Variants in PPP1R12C observed in about 807,000 individuals in gnomAD.
PPP1R12C encodes the protein leukocyte receptor cluster (LRC) encoded novel gene 3.
A neutral mutation model predicts 95.6 loss-of-function variants in PPP1R12C; 48 were observed. The observed-to-expected ratio is 0.50, with a 90% CI of 0.40 to 0.64. The LOEUF (loss-of-function observed/expected upper bound fraction) is 0.64, where lower values mean the gene tolerates loss of function less well. PPP1R12C is among the 30% of genes least tolerant of loss of function. PPP1R12C has a pLI of 0.00. For missense variants in PPP1R12C, 1,057 were observed against 1,083.3 expected, an observed-to-expected ratio of 0.98 and a Z score of 0.34; for synonymous variants, 480 against 460.8, an observed-to-expected ratio of 1.04 and a Z score of -0.53.
chr19:55,094,713 T>C lies in PPP1R12C; in HGVS notation c.1540A>G (p.Asn514Asp), dbSNP rs78085086. Residue 514 changes from asparagine (N) to aspartate (D), a missense_variant, in exon 12 of 22, where the codon AAC becomes GAC. Around this residue, in one of 5 missense-constraint regions of PPP1R12C, gnomAD observed 356 missense variants for 330.5 expected, o/e 1.08. Coordinates refer to ENST00000263433, the MANE Select transcript of PPP1R12C (RefSeq NM_017607.4). ...IPEPESPAKP[N>D]VPTASTAPPA... ...GGCGCCGTGGAGGCTGTGGGGACGT[T>C]TGGCTTCGCTGGGGATTCAGGCTCC... The C allele has an allele frequency of 8.8e-4, 1,420 of 1,609,590 alleles. 13 individuals carry two copies. The African/African-American group carries it at 0.017, about 20-fold the overall frequency.
At chr19:55,104,199 T>TATATATATATATATACACACAC (rs34075382) in intron 3 of PPP1R12C, among the ~76,000 whole-genome samples, 41 of 120,032 alleles carry the variant, frequency 3.4e-4, no homozygotes, top group African/African-American at 1.3e-3. Flanking sequence ...TATATATATA[T>TATATATATATATATACACACAC]ACACACACAC....
chr19:55,105,617 T>A (rs947969065), intron 3 of PPP1R12C, among the ~76,000 whole-genome samples: 16 of 152,150 alleles, frequency 1.1e-4, no homozygotes, highest in African/African-American at 3.9e-4. Flanking sequence ...CTTCCTGAGC[T>A]TTTTCATGAT....
At position 55,094,642 on chromosome 19, in the gene PPP1R12C, C is replaced by G. The variant is rs755814602; in HGVS notation, c.1592+19G>C. 6.4e-7 allele frequency: 1 copy of G among 1,563,010 alleles called. No individual in the cohort carries two copies. The highest frequency in any genetic ancestry group is 8.6e-7 in the Non-Finnish European group (1 of 1,160,514). ...CTGCTGGGGGCGGGGGCGGCAGCTT[C>G]CTGCCCTGGCCTCTTCACCTCCGTC... On this transcript the variant is annotated intron_variant, in intron 12 of 21. Coordinates refer to ENST00000263433, the MANE Select transcript of PPP1R12C (RefSeq NM_017607.4).
At chr19:55,092,688 A>T in intron 16 of PPP1R12C, 26 bp from the exon 17 acceptor site, 1 of 1,524,298 alleles carries the variant, frequency 6.6e-7, no homozygotes. Flanking sequence ...CGGGGGTTCA[A>T]TGGGTATGGG....
intron 3 of PPP1R12C, among the ~76,000 whole-genome samples, chr19:55,104,264 CAT>C (rs980296244): frequency 4.5e-5 from 6 of 133,972 alleles, no homozygotes; most frequent in East Asian, 4.2e-4. Flanking sequence ...ATATATATAA[CAT>C]ATATATGCAT....
At position 55,117,281 on chromosome 19, in the gene PPP1R12C, G is replaced by A; in HGVS notation, c.263C>T (p.Pro88Leu). ...GGAGTCCAGCACGGCGCGGGCGGGCGGCGGCGCGGCGGGGTCGAGCTCGGC... is the reference window on the plus strand; with the variant it reads ...GGAGTCCAGCACGGCGCGGGCGGGCAGCGGCGCGGCGGGGTCGAGCTCGGC... ...PGAELDPAAP[P>L]PARAVLDSTN... Residue 88 changes from proline to leucine, a missense_variant, in exon 1 of 22, where the codon CCG becomes CTG. Pro to Leu is a moderately conservative substitution (Grantham distance 98). Transcript: ENST00000263433. The A allele has an allele frequency of 8.2e-7, 1 of 1,221,110 alleles. No homozygotes were observed. The highest frequency in any genetic ancestry group is 1.0e-6 in the Non-Finnish European group (1 of 982,340). The allele number at this position is 1,221,110 out of a possible 1,614,324, so 75.6% of individuals were successfully genotyped here.
chr19:55,117,286 C>CGCGGCGGGGTCGAGCTCG lies in PPP1R12C; in HGVS notation c.240_257dup (p.Glu81_Ala86dup). The CGCGGCGGGGTCGAGCTCG allele has an allele frequency of 8.2e-7, 1 of 1,219,490 alleles. No individual in the cohort carries two copies. The highest frequency in any genetic ancestry group is 1.0e-6 in the Non-Finnish European group (1 of 981,454). 75.5% of individuals were successfully genotyped at this position (1,219,490 alleles called of 1,614,324 possible). ...CCAGCACGGCGCGGGCGGGCGGCGG[C>CGCGGCGGGGTCGAGCTCG]GCGGCGGGGTCGAGCTCGGCGCCGG... On this transcript the variant is annotated inframe_insertion, in exon 1 of 22. Coordinates refer to ENST00000263433, the MANE Select transcript of PPP1R12C (RefSeq NM_017607.4).
chr19:55,094,590 G>A (rs541313591), intron 12 of PPP1R12C, 71 bp downstream of exon 12: 5 of 1,527,186 alleles, frequency 3.3e-6, no homozygotes, highest in Admixed American at 2.0e-5. Flanking sequence ...CCAAAGCCCC[G>A]GGACTCCTGC....
intron 6 of PPP1R12C, chr19:55,097,052 T>C (rs2084924202): frequency 3.8e-6 from 1 of 260,556 alleles, no homozygotes; most frequent in Non-Finnish European, 7.0e-6. Context: ...TTCACCACCG[T>C]CTTCACCCCT....
intron 13 of PPP1R12C, 97 bp from the exon 14 acceptor site, chr19:55,093,330 A>G: frequency 2.2e-5 from 4 of 185,168 alleles, no homozygotes; most frequent in East Asian, 2.3e-4. Flanking sequence ...CTCCTCCCTC[A>G]GACCCAGGAG....
chr19:55,103,510 C>T lies in PPP1R12C; in HGVS notation c.630G>A (p.Arg210=), dbSNP rs375608015. The change falls in exon 4 of 22, where the codon AGG becomes AGA. Residue 210 remains arginine (R), a synonymous_variant. Coordinates refer to ENST00000263433, the MANE Select transcript of PPP1R12C (RefSeq NM_017607.4). ...AEEELLLHDT[R]CWLNGGAMPE... ...GCATGGCGCCCCCATTCAGCCAGCA[C>T]CTCGTGTCATGAAGGAGCAATTCCT... The T allele has an allele frequency of 2.5e-6, 4 of 1,604,032 alleles. No individual in the cohort carries two copies. The highest frequency in any genetic ancestry group is 1.3e-5 in the African/African-American group (1 of 74,748).
intron 4 of PPP1R12C, among the ~76,000 whole-genome samples, chr19:55,100,275 G>A (rs1302905124): frequency 6.6e-6 from 1 of 152,212 alleles, no homozygotes; most frequent in Non-Finnish European, 1.5e-5. Flanking sequence ...CTCAACTGGG[G>A]CAATGCTGCC....
At chr19:55,112,396 T>C (rs2085105639) in intron 3 of PPP1R12C, 71 bp downstream of exon 3, 1 of 1,420,188 alleles carries the variant, frequency 7.0e-7, no homozygotes, top group African/African-American at 1.4e-5. Context: ...AGGCCGCCTC[T>C]AAAGCTCTCA....
chr19:55,092,321 A>G lies in PPP1R12C; in HGVS notation c.2061T>C (p.Tyr687=). The G allele has an allele frequency of 6.3e-7, 1 of 1,596,942 alleles. No individual in the cohort carries two copies. Among genetic ancestry groups the G allele is most frequent in the Non-Finnish European group, 8.5e-7 (1 of 1,171,672 alleles). The stretch of plus-strand genomic sequence containing the variant: ...GCTCGTTCTCCCTGCGCAGCTCTGC[A>G]TACAGCTGGGGGTCAGGTAGAGGAG... The part of the protein sequence containing the change: ...EEPDGGFRTL[Y]AELRRENERL... Residue 687 remains tyrosine (Y), a synonymous_variant, in exon 19 of 22, where the codon TAT becomes TAC. Transcript: ENST00000263433.
In PPP1R12C at chr19:55,109,531, C is replaced by T. The variant is rs1174146045; in HGVS notation, c.571+2936G>A. 2.6e-5 allele frequency among the ~76,000 whole-genome samples: 4 copies of T among 152,232 alleles called. No homozygotes were observed. The highest frequency in any genetic ancestry group is 2.6e-4 in the Admixed American group (4 of 15,282). On this transcript the variant is annotated intron_variant, in intron 3 of 21. Transcript: ENST00000263433. This position sits in a 1 kb window ranked among gnomAD's most constrained non-coding sequence, Gnocchi z 4.4. ...TGGAGGGAGCGGTGGCTCCAGGCCA[C>T]GAGGTGACTGGCTGAGCAGATCACG... is the stretch of plus-strand genomic sequence containing the variant.
At chr19:55,112,875 G>A (rs750077531) in intron 1 of PPP1R12C, 80 bp from the exon 2 acceptor site, 7 of 1,569,922 alleles carry the variant, frequency 4.5e-6, no homozygotes, top group Non-Finnish European at 5.2e-6. Flanking sequence ...AGGGAGCCAC[G>A]AAAACAGATC....
In PPP1R12C at chr19:55,095,803, G is replaced by A. The variant is rs79552645; in HGVS notation, c.1227+64C>T. 6,828 of 1,570,072 alleles carry A rather than the reference G, an allele frequency of 4.3e-3. 264 individuals are homozygous for A. In the African/African-American group the frequency reaches 0.08, roughly 18 times the overall value. On this transcript the variant is annotated intron_variant, in intron 9 of 21. Transcript: ENST00000263433. ...ATCTGCCCCTGCCAGAGGTTCACAG[G>A]CTGTATGGAATCCCACCTCCGGGCC... is the stretch of plus-strand genomic sequence containing the variant.
chr19:55,107,596 A>C (rs930035189), intron 3 of PPP1R12C, among the ~76,000 whole-genome samples: 2 of 151,484 alleles, frequency 1.3e-5, no homozygotes, highest in Non-Finnish European at 2.9e-5. Context: ...AAACTATCGC[A>C]AGGACAGAAA....
chr19:55,112,749 T>C lies in PPP1R12C; in HGVS notation c.368A>G (p.Gln123Arg), dbSNP rs1217845023. The stretch of plus-strand genomic sequence containing the variant: ...GTCTGCCTGGTTCACAGTGGCGCCC[T>C]GCTCCACCAAGAAGCGCACCACCTC... ...NLEVVRFLVE[Q>R]GATVNQADNE... is the part of the protein sequence containing the mutation. The change falls in exon 2 of 22, where the codon CAG becomes CGG. Residue 123 changes from glutamine to arginine, a missense_variant. Gln to Arg is a conservative substitution (Grantham distance 43, BLOSUM62 1). This residue lies in a region of PPP1R12C where 282 missense variants were observed against 380.4 expected (regional missense o/e 0.74). Coordinates refer to ENST00000263433, the MANE Select transcript of PPP1R12C (RefSeq NM_017607.4). The C allele has an allele frequency of 1.2e-6, 2 of 1,613,426 alleles. No individual in the cohort carries two copies. The highest frequency in any genetic ancestry group is 1.7e-6 in the Non-Finnish European group (2 of 1,179,928).
Sources: allele counts gnomAD v4.1 joint callset (sites outside exome capture counted in the v4.1 genomes callset), GRCh38; gene constraint gnomAD v4.1.1; regional missense constraint gnomAD v4.1.1; non-coding constraint Gnocchi (gnomAD v3.1); transcripts MANE v1.5; gene names NCBI Gene and HGNC (gene_info 2026-07-23, HGNC 2026-07-21).